The following SENP7 variants were observed in gnomAD, a reference collection of about 807,000 sequenced individuals.
The protein encoded by SENP7 is sentrin-specific protease 7.
A neutral mutation model predicts 141.2 loss-of-function variants in SENP7; 64 were observed. That is an observed-to-expected ratio of 0.45 (90% CI 0.37 to 0.56). SENP7 has a LOEUF of 0.56. SENP7 is among the 20% of genes least tolerant of loss of function. The probability of loss-of-function intolerance (pLI) is 0.00; values close to 1 mark genes in which losing one functional copy is unlikely to be tolerated. For synonymous variants in SENP7, 382 were observed against 426.4 expected (o/e 0.90, Z 1.28); for missense variants, 1,025 against 1,212.2 (o/e 0.85, Z 2.29).
intron 2 of SENP7, among the ~76,000 whole-genome samples, chr3:101,499,253 A>G (rs1369946234): frequency 6.6e-6 from 1 of 152,208 alleles, no homozygotes; most frequent in East Asian, 1.9e-4. Flanking sequence ...GAATAATGCA[A>G]TAGTCTAAAG....
chr3:101,487,147 A>G (rs1232240465), intron 3 of SENP7, among the ~76,000 whole-genome samples: 1 of 152,190 alleles, frequency 6.6e-6, no homozygotes, highest in Non-Finnish European at 1.5e-5. Context: ...AAGAAATGAA[A>G]TAGACAGCAA....
chr3:101,379,065 C>T (rs1418111450), intron 6 of SENP7, among the ~76,000 whole-genome samples: 1 of 151,976 alleles, frequency 6.6e-6, no homozygotes, highest in Non-Finnish European at 1.5e-5. Flanking sequence ...AATAGAGATC[C>T]CAGAAATAAA....
intron 2 of SENP7, among the ~76,000 whole-genome samples, chr3:101,499,048 C>T (rs973033417): frequency 2.6e-5 from 4 of 151,928 alleles, no homozygotes; most frequent in African/African-American, 2.4e-5. Context: ...GTAATCATAC[C>T]GTAGTTATAT....
Position 101,380,441 on chromosome 3 carries a change from C to CA in SENP7, c.678-8316_678-8315insT, listed in dbSNP as rs1379903567. Among the ~76,000 whole-genome samples, 19 of 101,148 alleles carry CA rather than the reference C, an allele frequency of 1.9e-4. No individual in the cohort carries two copies. The South Asian group carries it at 4.0e-3, about 21-fold the overall frequency. The allele number at this position is 101,148 out of a possible 152,430, so 66.4% of individuals were successfully genotyped here. On this transcript the variant is annotated intron_variant, in intron 6 of 23. Coordinates refer to ENST00000394095, the MANE Select transcript of SENP7 (RefSeq NM_020654.5). ...GAACGTAAAGCAAACCACCGCCCCC[C>CA]CCCCCACACACACACACAAAACAAA... is the stretch of plus-strand genomic sequence containing the variant.
chr3:101,450,718 G>A (rs2063098739), intron 4 of SENP7, among the ~76,000 whole-genome samples: 1 of 152,188 alleles, frequency 6.6e-6, no homozygotes, highest in Non-Finnish European at 1.5e-5. Context: ...AAAGCAGTGT[G>A]TAGAGGGAAA....
intron 11 of SENP7, chr3:101,358,400 T>A (rs531707180): frequency 2.2e-6 from 1 of 456,904 alleles, no homozygotes; most frequent in African/African-American, 2.0e-5. Context: ...AAGCATAAGA[T>A]AATTTATACT....
At chr3:101,362,439 A>G (rs1172460237) in intron 10 of SENP7, among the ~76,000 whole-genome samples, 1 of 152,184 alleles carries the variant, frequency 6.6e-6, no homozygotes, top group Non-Finnish European at 1.5e-5. Flanking sequence ...GTTTCCATTA[A>G]CCAAAATAAT....
chr3:101,406,996 A>G (rs1034659922), intron 5 of SENP7, among the ~76,000 whole-genome samples: 1 of 152,226 alleles, frequency 6.6e-6, no homozygotes, highest in Non-Finnish European at 1.5e-5. Context: ...GGAAAGATAC[A>G]GTCTTTTTCA....
At chr3:101,436,204 A>G (rs1441304100) in intron 4 of SENP7, among the ~76,000 whole-genome samples, 2 of 152,188 alleles carry the variant, frequency 1.3e-5, no homozygotes, top group Non-Finnish European at 2.9e-5. Flanking sequence ...TGATCCTGGG[A>G]AAACTGAATA....
chr3:101,371,096 C>G (rs1267611347), intron 7 of SENP7, among the ~76,000 whole-genome samples: 2 of 152,234 alleles, frequency 1.3e-5, no homozygotes, highest in South Asian at 2.1e-4. Context: ...TTGAGACCAG[C>G]CTGGGCAACA....
chr3:101,482,359 A>AAAT (rs1216034562), intron 3 of SENP7, among the ~76,000 whole-genome samples: 5 of 152,178 alleles, frequency 3.3e-5, no homozygotes. Flanking sequence ...AACTCTAACA[A>AAAT]AATATGTACA....
At chr3:101,376,551 G>A (rs543394256) in intron 6 of SENP7, among the ~76,000 whole-genome samples, 2 of 151,828 alleles carry the variant, frequency 1.3e-5, no homozygotes, top group South Asian at 2.1e-4. Flanking sequence ...ACCAAACACC[G>A]CATGTTCTCA....
chr3:101,347,039 A>G (rs1016830918), intron 13 of SENP7, among the ~76,000 whole-genome samples: 5 of 151,880 alleles, frequency 3.3e-5, no homozygotes, highest in African/African-American at 1.2e-4. Flanking sequence ...GGAAGAAGGA[A>G]GAAAAAAGGA....
At chr3:101,457,743 A>G in intron 4 of SENP7, 1 of 818,430 alleles carries the variant, frequency 1.2e-6, no homozygotes, top group Non-Finnish European at 2.0e-6. Flanking sequence ...ATCAGAGCAG[A>G]TAAGGGGCCA....
intron 3 of SENP7, among the ~76,000 whole-genome samples, chr3:101,461,038 A>G (rs948723317): frequency 2.6e-5 from 4 of 152,160 alleles, no homozygotes; most frequent in Admixed American, 2.6e-4. Context: ...GTGAATAGAT[A>G]TTTCTCCAAA....
chr3:101,419,170 C>T (rs944988823), intron 4 of SENP7, among the ~76,000 whole-genome samples: 3 of 151,978 alleles, frequency 2.0e-5, no homozygotes, highest in Admixed American at 6.6e-5. Context: ...GGAGAAAGGT[C>T]CAAAAAACAG....
At chr3:101,422,095 A>T (rs756052006) in intron 4 of SENP7, among the ~76,000 whole-genome samples, 3 of 152,150 alleles carry the variant, frequency 2.0e-5, no homozygotes, top group Non-Finnish European at 4.4e-5. Context: ...CTCCTGTCAG[A>T]TCAGCAGCAG....
intron 4 of SENP7, among the ~76,000 whole-genome samples, chr3:101,419,474 A>G (rs1336271368): frequency 2.6e-5 from 4 of 152,206 alleles, no homozygotes; most frequent in Non-Finnish European, 5.9e-5. Flanking sequence ...GGAGATGATG[A>G]CTTTATCAGA....
Position 101,467,498 on chromosome 3 carries a change from C to T in SENP7, c.187-8446G>A, listed in dbSNP as rs562754172. Among the ~76,000 whole-genome samples, 47 of 152,342 alleles carry T rather than the reference C, an allele frequency of 3.1e-4. No individual in the cohort carries two copies. The South Asian group carries it at 9.3e-3, about 30-fold the overall frequency. On this transcript the variant is annotated intron_variant, in intron 3 of 23. Coordinates refer to ENST00000394095, the MANE Select transcript of SENP7 (RefSeq NM_020654.5). Reference sequence around the variant, plus strand: ...CGAAGCTTCCAGAGGAAGGATCAGGCAGCAATATTTGCTCTTCTGCAATAT... The same window carrying T: ...CGAAGCTTCCAGAGGAAGGATCAGGTAGCAATATTTGCTCTTCTGCAATAT...
Sources: gnomAD v4.1 joint callset for allele counts (sites outside exome capture counted in the v4.1 genomes callset) on GRCh38, gnomAD v4.1.1 for gene constraint, MANE v1.5 for transcripts, NCBI Gene and HGNC (gene_info 2026-07-23, HGNC 2026-07-21) for gene names.